Variants in SLC25A48 observed in about 807,000 individuals in gnomAD.
The protein encoded by SLC25A48 is CTC-321K16.1.
SLC25A48 carries 29 observed loss-of-function variants against 32.2 expected under a neutral mutation model. That is an observed-to-expected ratio of 0.90 (90% CI 0.67 to 1.23). The LOEUF is 1.23. Ranked by LOEUF, SLC25A48 falls within the 50% of genes most tolerant of loss-of-function variation. The pLI is 0.00. For missense variants in SLC25A48, 399 were observed against 422.7 expected (o/e 0.94, Z 0.49); for synonymous variants, 164 against 172.3 (o/e 0.95, Z 0.38).
intron 3 of SLC25A48, among the ~76,000 whole-genome samples, chr5:135,676,066 C>T (rs1335052773): frequency 6.6e-6 from 1 of 151,946 alleles, no homozygotes; most frequent in East Asian, 1.9e-4. Flanking sequence ...TATCCTGCAA[C>T]ATTACTGAAT....
intron 1 of SLC25A48, among the ~76,000 whole-genome samples, chr5:135,616,361 C>T (rs904374660): frequency 1.3e-5 from 2 of 152,190 alleles, no homozygotes; most frequent in African/African-American, 4.8e-5. Flanking sequence ...CCCTGCAGAA[C>T]CACAGGAACA....
At chr5:135,775,108 G>T (rs561707278) in intron 3 of SLC25A48, among the ~76,000 whole-genome samples, 18 of 151,796 alleles carry the variant, frequency 1.2e-4, no homozygotes, top group Admixed American at 9.2e-4. Flanking sequence ...TTCCAAAATT[G>T]CATGGGGTGT....
chr5:135,772,857 A>T (rs1173575008), intron 3 of SLC25A48, among the ~76,000 whole-genome samples: 1 of 151,424 alleles, frequency 6.6e-6, no homozygotes, highest in Non-Finnish European at 1.5e-5. Context: ...AAAGAGGATA[A>T]TATTACTTTC....
At chr5:135,775,725 G>C (rs528712193) in intron 3 of SLC25A48, among the ~76,000 whole-genome samples, 40 of 151,690 alleles carry the variant, frequency 2.6e-4, no homozygotes, top group Non-Finnish European at 5.5e-4. Context: ...TTAATATCCA[G>C]GGGGGAAGGG....
chr5:135,746,593 G>A (rs945396657), intron 3 of SLC25A48, among the ~76,000 whole-genome samples: 5 of 152,156 alleles, frequency 3.3e-5, no homozygotes, highest in African/African-American at 1.2e-4. Flanking sequence ...TGGGCGGAGC[G>A]ACTGGGACTC....
At chr5:135,792,428 G>C (rs1464502555) in intron 3 of SLC25A48, among the ~76,000 whole-genome samples, 3 of 151,706 alleles carry the variant, frequency 2.0e-5, no homozygotes, top group Non-Finnish European at 4.4e-5. Context: ...TAATGTCACA[G>C]TGCTTGTACA....
chr5:135,864,054 T>C (rs891304353), intron 4 of SLC25A48, among the ~76,000 whole-genome samples: 4 of 152,094 alleles, frequency 2.6e-5, no homozygotes, highest in African/African-American at 9.7e-5. Flanking sequence ...GGCCAGGATT[T>C]GAGGTGAAGA....
intron 3 of SLC25A48, among the ~76,000 whole-genome samples, chr5:135,699,335 T>A (rs1273746283): frequency 6.6e-6 from 1 of 151,020 alleles, no homozygotes; most frequent in Admixed American, 6.6e-5. Context: ...ATATTATGCA[T>A]CAAGGAGAAA....
chr5:135,586,185 G>GCCATA (rs1376059870), intron 1 of SLC25A48, among the ~76,000 whole-genome samples: 1 of 152,150 alleles, frequency 6.6e-6, no homozygotes, highest in Non-Finnish European at 1.5e-5. Context: ...GCTCTGCACG[G>GCCATA]CCATACGCTG....
intron 1 of SLC25A48, among the ~76,000 whole-genome samples, chr5:135,582,059 A>G (rs1277946999): frequency 6.6e-6 from 1 of 152,208 alleles, no homozygotes; most frequent in African/African-American, 2.4e-5. Flanking sequence ...GTGTGTATGC[A>G]TGTGTGCAGA....
chr5:135,579,185 C>G (rs1356731851), upstream of SLC25A48: 1 of 304,894 alleles, frequency 3.3e-6, no homozygotes, highest in Non-Finnish European at 6.0e-6. Flanking sequence ...CCCGGAGCCA[C>G]GCGCGCACAC....
At chr5:135,815,703 C>CT (rs1330720296) in intron 4 of SLC25A48, among the ~76,000 whole-genome samples, 1 of 152,168 alleles carries the variant, frequency 6.6e-6, no homozygotes, top group Non-Finnish European at 1.5e-5. Context: ...AGGGGCAGGC[C>CT]TGGAGCCACA....
intron 3 of SLC25A48, among the ~76,000 whole-genome samples, chr5:135,659,598 G>T (rs537001401): frequency 1.3e-5 from 2 of 152,038 alleles, no homozygotes; most frequent in Non-Finnish European, 2.9e-5. Flanking sequence ...CCCCTTTCTG[G>T]TACCAATTTT....
intron 1 of SLC25A48, among the ~76,000 whole-genome samples, chr5:135,841,058 C>G (rs1341486738): frequency 6.6e-6 from 1 of 152,226 alleles, no homozygotes; most frequent in African/African-American, 2.4e-5. Flanking sequence ...GTTCCAATTT[C>G]TCTACATCCT....
chr5:135,786,295 G>A (rs1372912672), intron 3 of SLC25A48, among the ~76,000 whole-genome samples: 2 of 152,084 alleles, frequency 1.3e-5, no homozygotes, highest in Non-Finnish European at 2.9e-5. Context: ...TAATATTTTA[G>A]GGTGATGTTT....
chr5:135,775,457 A>G lies in SLC25A48; in HGVS notation c.-520-37066A>G, dbSNP rs375058444. Among the ~76,000 whole-genome samples the G allele has an allele frequency of 4.0e-4, 60 of 151,738 alleles. No individual in the cohort carries two copies. In the East Asian group the frequency reaches 9.5e-3, roughly 24 times the overall value. On this transcript the variant is annotated intron_variant, in intron 3 of 10. Coordinates refer to the SLC25A48 transcript ENST00000646290. ...GAGAATAATATGACTCCCTATATTGAAGAGGATGTACACCCCCCTGTGCTA... is the reference window on the plus strand; with the variant it reads ...GAGAATAATATGACTCCCTATATTGGAGAGGATGTACACCCCCCTGTGCTA...
intron 5 of SLC25A48, 107 bp downstream of exon 5, chr5:135,871,825 T>G (rs772409147): frequency 4.2e-5 from 65 of 1,552,834 alleles, no homozygotes; most frequent in Non-Finnish European, 5.1e-5. Context: ...AGGACACATT[T>G]AGGTACTCAC....
At chr5:135,765,683 G>T (rs1365136949) in intron 3 of SLC25A48, among the ~76,000 whole-genome samples, 1 of 151,344 alleles carries the variant, frequency 6.6e-6, no homozygotes, top group Non-Finnish European at 1.5e-5. Context: ...ACACCACCCT[G>T]TAATATCTTA....
intron 3 of SLC25A48, among the ~76,000 whole-genome samples, chr5:135,639,848 A>G (rs554163952): frequency 2.8e-4 from 43 of 152,356 alleles, no homozygotes; most frequent in South Asian, 1.7e-3. Flanking sequence ...TTAAAGGATG[A>G]GAACATTATT....
Sources: allele counts gnomAD v4.1 joint callset (sites outside exome capture counted in the v4.1 genomes callset), GRCh38; gene constraint gnomAD v4.1.1; transcripts MANE v1.5; gene names NCBI Gene and HGNC (gene_info 2026-07-23, HGNC 2026-07-21).